The following HDAC8 variants were observed in gnomAD, a reference collection of about 807,000 sequenced individuals.
HDAC8 encodes histone deacetylase 8.
Under a neutral mutation model 32.2 loss-of-function variants are expected in HDAC8, and 1 was observed. The ratio of observed to expected loss-of-function variants is 0.03; its 90% confidence interval spans 0.01 to 0.15. HDAC8 has a LOEUF of 0.15. Among genes scored for constraint, HDAC8 ranks in the 10% least tolerant of loss-of-function variants. The probability of loss-of-function intolerance (pLI) is 1.00; values close to 1 mark genes in which losing one functional copy is unlikely to be tolerated. For missense variants in HDAC8, 117 were observed against 300.0 expected (o/e 0.39, Z 4.51); for synonymous variants, 108 against 113.9 (o/e 0.95, Z 0.33).
At position 72,331,040 on chromosome X, in the gene HDAC8, G is replaced by A. The variant is rs149475482; in HGVS notation, c.1112-964C>T. The stretch of plus-strand genomic sequence containing the variant: ...CGGTCTCGGCTCACTGCAATCTCCC[G>A]GGTTCAAGCAATTCTCCTGCCTCAG... On this transcript the variant is annotated intron_variant, in intron 10 of 10. Coordinates refer to ENST00000373573, the MANE Select transcript of HDAC8 (RefSeq NM_018486.3). Among the ~76,000 whole-genome samples, 14 of 100,166 alleles carry A rather than the reference G, an allele frequency of 1.4e-4. 1 individual carries two copies. The East Asian group carries it at 3.5e-3, about 25-fold the overall frequency. The allele number at this position is 100,166 out of a possible 115,157, so 87.0% of individuals were successfully genotyped here. A position where few individuals can be genotyped will look rare whatever the true frequency, so the allele number is the denominator to read the frequency against.
At chrX:72,568,302 G>C (rs1202392788) in intron 3 of HDAC8, among the ~76,000 whole-genome samples, 4 of 112,146 alleles carry the variant, frequency 3.6e-5, no homozygotes, top group African/African-American at 1.3e-4. Flanking sequence ...ACAGAGCCAG[G>C]CTTGGGACCC....
intron 4 of HDAC8, among the ~76,000 whole-genome samples, chrX:72,560,085 G>C (rs1476352509): frequency 8.9e-6 from 1 of 112,420 alleles, no homozygotes; most frequent in Non-Finnish European, 1.9e-5. Context: ...CATTGAGAAC[G>C]GGCCATGATG....
At chrX:72,510,927 A>G (rs1471951285) in intron 4 of HDAC8, among the ~76,000 whole-genome samples, 2 of 111,928 alleles carry the variant, frequency 1.8e-5, no homozygotes, top group South Asian at 3.7e-4. Flanking sequence ...TTTTTAGGGA[A>G]AGAAGCAAAT....
chrX:72,373,294 T>C (rs1555957028), intron 9 of HDAC8, among the ~76,000 whole-genome samples: 1 of 112,124 alleles, frequency 8.9e-6, no homozygotes, highest in African/African-American at 3.2e-5. Flanking sequence ...AGTAGCATAT[T>C]TACAAAGTTG....
intron 7 of HDAC8, among the ~76,000 whole-genome samples, chrX:72,468,166 TG>T (rs2048071902): frequency 8.9e-6 from 1 of 112,130 alleles, no homozygotes; most frequent in Non-Finnish European, 1.9e-5. Flanking sequence ...TCATTTGATT[TG>T]ACAGTCAAAT....
At chrX:72,519,377 A>C (rs1417606013) in intron 4 of HDAC8, among the ~76,000 whole-genome samples, 1 of 112,016 alleles carries the variant, frequency 8.9e-6, no homozygotes, top group Non-Finnish European at 1.9e-5. Context: ...AGAAACTGTC[A>C]GATTGTTTTC....
chrX:72,332,710 G>A (rs782308680), intron 10 of HDAC8, among the ~76,000 whole-genome samples: 1 of 109,447 alleles, frequency 9.1e-6, no homozygotes, highest in African/African-American at 3.3e-5. Flanking sequence ...GGAGTGCAGT[G>A]GTGCGATCTC....
chrX:72,458,755 T>C (rs2047789978), intron 9 of HDAC8, among the ~76,000 whole-genome samples: 1 of 111,894 alleles, frequency 8.9e-6, no homozygotes, highest in African/African-American at 3.3e-5. Flanking sequence ...TATAGGTATA[T>C]ATTTGAATCT....
chrX:72,427,359 A>G (rs1017309762), intron 9 of HDAC8, among the ~76,000 whole-genome samples: 4 of 110,796 alleles, frequency 3.6e-5, no homozygotes, highest in Non-Finnish European at 5.7e-5. Flanking sequence ...AATGTCCAAC[A>G]ATGATAGACT....
chrX:72,558,403 G>A (rs782342959), intron 4 of HDAC8, among the ~76,000 whole-genome samples: 11 of 111,940 alleles, frequency 9.8e-5, no homozygotes, highest in Non-Finnish European at 1.9e-4. Context: ...AACTGGGTTC[G>A]ATATTAGAGA....
intron 10 of HDAC8, among the ~76,000 whole-genome samples, chrX:72,338,846 C>T (rs1425421230): frequency 3.8e-5 from 4 of 105,819 alleles, no homozygotes; most frequent in African/African-American, 1.0e-4. Flanking sequence ...CCCAGGAGTT[C>T]GAGACCAGCC....
intron 9 of HDAC8, among the ~76,000 whole-genome samples, chrX:72,447,679 T>C (rs1389967565): frequency 8.9e-6 from 1 of 111,818 alleles, no homozygotes; most frequent in East Asian, 2.8e-4. Flanking sequence ...GATTGTATAT[T>C]TAGAAAACCC....
chrX:72,487,783 A>G lies in HDAC8; in HGVS notation c.737+1150T>C, dbSNP rs72630047. On this transcript the variant is annotated intron_variant, in intron 7 of 10. Transcript: ENST00000373573. ...ATCAGGCACTGTTAAGAAAGGGATTAAAAGAAAAACAAAATAATTCTCCTT... is the reference window on the plus strand; with the variant it reads ...ATCAGGCACTGTTAAGAAAGGGATTGAAAGAAAAACAAAATAATTCTCCTT... Among the ~76,000 whole-genome samples the G allele has an allele frequency of 2.9e-3, 320 of 110,221 alleles. 6 individuals carry two copies. In the East Asian group the frequency reaches 0.036, roughly 12 times the overall value.
chrX:72,527,403 T>C (rs1292421466), intron 4 of HDAC8, among the ~76,000 whole-genome samples: 1 of 111,694 alleles, frequency 9.0e-6, no homozygotes, highest in Non-Finnish European at 1.9e-5. Flanking sequence ...TGATATGCTT[T>C]CCTAGTACTC....
chrX:72,396,181 T>C (rs1174757145), intron 9 of HDAC8, among the ~76,000 whole-genome samples: 2 of 112,483 alleles, frequency 1.8e-5, no homozygotes, highest in African/African-American at 3.2e-5. Context: ...CACCTTCAGA[T>C]ACCCCAAAAT....
At chrX:72,570,911 T>G (rs1031533795) in intron 2 of HDAC8, among the ~76,000 whole-genome samples, 1 of 110,440 alleles carries the variant, frequency 9.1e-6, no homozygotes, top group Non-Finnish European at 1.9e-5. Context: ...TCTTGGCAGT[T>G]TTCTTTGGTC....
intron 4 of HDAC8, among the ~76,000 whole-genome samples, chrX:72,549,962 C>T (rs782565934): frequency 1.8e-5 from 2 of 111,927 alleles, no homozygotes; most frequent in East Asian, 2.8e-4. Flanking sequence ...TGTCTGACAA[C>T]GTTACTTCTT....
intron 7 of HDAC8, among the ~76,000 whole-genome samples, chrX:72,488,430 T>C (rs1046745579): frequency 1.8e-5 from 2 of 111,584 alleles, no homozygotes; most frequent in Non-Finnish European, 1.9e-5. Flanking sequence ...GTCTGTAACT[T>C]AATCCTTAGC....
chrX:72,426,983 G>A (rs1397426747), intron 9 of HDAC8, among the ~76,000 whole-genome samples: 3 of 110,000 alleles, frequency 2.7e-5, no homozygotes, highest in Non-Finnish European at 3.8e-5. Context: ...AGAAGGAAGC[G>A]AGCCCTCACC....
Sources: allele counts gnomAD v4.1 joint callset (sites outside exome capture counted in the v4.1 genomes callset), GRCh38; gene constraint gnomAD v4.1.1; transcripts MANE v1.5; gene names NCBI Gene and HGNC (gene_info 2026-07-23, HGNC 2026-07-21).